PDE7B: variants seen among roughly 807,000 people sequenced by gnomAD.
PDE7B encodes the protein 3',5'-cyclic-AMP phosphodiesterase 7B.
Under a neutral mutation model 56.2 loss-of-function variants are expected in PDE7B, and 29 were observed. The observed-to-expected ratio is 0.52, with a 90% CI of 0.38 to 0.70. PDE7B has a LOEUF of 0.70. PDE7B is among the 30% of genes least tolerant of loss of function. The pLI is 0.00. For missense variants in PDE7B, 490 were observed against 565.0 expected (o/e 0.87, Z 1.35); for synonymous variants, 197 against 196.9 (o/e 1.00, Z 0.00).
chr6:136,167,386 G>A (rs1037789153), intron 8 of PDE7B, among the ~76,000 whole-genome samples: 2 of 152,056 alleles, frequency 1.3e-5, no homozygotes, highest in African/African-American at 4.8e-5. Flanking sequence ...GAATCATGGG[G>A]GCAGGTCTTT....
intron 3 of PDE7B, 49 bp downstream of exon 3, chr6:136,108,863 GA>G (rs111919004): frequency 0.029 from 23,879 of 822,712 alleles, 80 homozygotes; most frequent in African/African-American, 0.063. Context: ...TCTTCAAAAA[GA>G]AAAAAAAAAA....
chr6:136,174,415 C>A (rs1171658938), intron 9 of PDE7B, among the ~76,000 whole-genome samples: 1 of 152,102 alleles, frequency 6.6e-6, no homozygotes, highest in Non-Finnish European at 1.5e-5. Context: ...ACGTCTCTTG[C>A]ACTTTAAACA....
At position 135,994,116 on chromosome 6, in the gene PDE7B, C is replaced by CTGTGTGTGTGTG. The variant is rs3220309; in HGVS notation, c.82+46630_82+46641dup. ...AAAGTTGCCTGTTCTTGTATTGGAT[C>CTGTGTGTGTGTG]TGTGTGTGTGTGTGTGTGTGTGTGT... On this transcript the variant is annotated intron_variant, in intron 2 of 12. Transcript: ENST00000308191. 4.1e-4 allele frequency among the ~76,000 whole-genome samples: 57 copies of CTGTGTGTGTGTG among 138,726 alleles called. 1 individual carries two copies. In the East Asian group the frequency reaches 5.8e-3, roughly 14 times the overall value. The allele number at this position is 138,726 out of a possible 152,430, so 91.0% of individuals were successfully genotyped here. A position where few individuals can be genotyped will look rare whatever the true frequency, so the allele number is the denominator to read the frequency against.
At chr6:136,081,216 G>A (rs1030099468) in intron 2 of PDE7B, among the ~76,000 whole-genome samples, 3 of 152,054 alleles carry the variant, frequency 2.0e-5, no homozygotes, top group African/African-American at 7.2e-5. Flanking sequence ...TTTGGGAGAT[G>A]GACTGAAAGT....
At chr6:136,016,901 C>T (rs1415418489) in intron 2 of PDE7B, among the ~76,000 whole-genome samples, 1 of 152,252 alleles carries the variant, frequency 6.6e-6, no homozygotes, top group Non-Finnish European at 1.5e-5. Flanking sequence ...GTCAAAGACA[C>T]TGTTAACCAG....
intron 1 of PDE7B, among the ~76,000 whole-genome samples, chr6:135,872,456 G>A (rs758064736): frequency 8.0e-4 from 121 of 152,076 alleles, no homozygotes; most frequent in Non-Finnish European, 8.8e-4. Context: ...ATACAGAAAA[G>A]ATATATTTGA....
At position 135,974,474 on chromosome 6, in the gene PDE7B, T is replaced by C. The variant is rs118062480; in HGVS notation, c.82+26950T>C. 1.6e-3 allele frequency among the ~76,000 whole-genome samples: 239 copies of C among 152,280 alleles called. 1 individual carries two copies. The East Asian group carries it at 0.027, about 17-fold the overall frequency. On this transcript the variant is annotated intron_variant, in intron 2 of 12. Transcript: ENST00000308191. ...CAATTACAGTAGAAAATTTTAATGA[T>C]TTATATTCAAAGATTGAAGTCTTAC...
At chr6:136,108,705 CTTTG>C (rs1777694534) in intron 2 of PDE7B, 22 bp from the exon 3 acceptor site, 3 of 1,493,224 alleles carry the variant, frequency 2.0e-6, no homozygotes, top group African/African-American at 1.4e-5. Flanking sequence ...GTTTTCAAGC[CTTTG>C]TTTGGATTTT....
chr6:136,082,972 T>C (rs541579116), intron 2 of PDE7B, among the ~76,000 whole-genome samples: 10 of 152,276 alleles, frequency 6.6e-5, no homozygotes, highest in African/African-American at 1.7e-4. Flanking sequence ...AATATAAAGA[T>C]TGAAGAGGAA....
chr6:136,020,484 A>G (rs1776053568), intron 2 of PDE7B, among the ~76,000 whole-genome samples: 1 of 152,206 alleles, frequency 6.6e-6, no homozygotes, highest in Admixed American at 6.5e-5. Flanking sequence ...GCCTTTAAAT[A>G]TATTGAAAAA....
rs1301093980 is a variant in PDE7B at position 136,173,889 on chromosome 6, G to C, written c.803+1G>C. On this transcript the variant is annotated splice_donor_variant, in intron 9 of 12. Coordinates refer to ENST00000308191, the MANE Select transcript of PDE7B (RefSeq NM_018945.4). LOFTEE classifies it high-confidence loss of function. ...TTGCTCATTTGCCAAAGGAAATGAC[G>C]TAAGTGCTGCCGAGATGAAACATAC... 6.2e-7 allele frequency: 1 copy of C among 1,601,848 alleles called. No individual in the cohort carries two copies. Among genetic ancestry groups the C allele is most frequent in the Non-Finnish European group, 8.6e-7 (1 of 1,169,054 alleles).
chr6:135,947,580 T>C (rs1341472916), intron 2 of PDE7B, 56 bp downstream of exon 2: 4 of 1,317,822 alleles, frequency 3.0e-6, no homozygotes, highest in South Asian at 2.4e-5. Flanking sequence ...TGTGGAGTTA[T>C]CATTCTGTTG....
At chr6:135,984,031 TC>T (rs1775339255) in intron 2 of PDE7B, among the ~76,000 whole-genome samples, 1 of 152,254 alleles carries the variant, frequency 6.6e-6, no homozygotes, top group South Asian at 2.1e-4. Flanking sequence ...ATAAATGTGG[TC>T]CATCTTTCTT....
chr6:136,125,222 G>A (rs1201010892), intron 3 of PDE7B, among the ~76,000 whole-genome samples: 1 of 152,070 alleles, frequency 6.6e-6, no homozygotes, highest in African/African-American at 2.4e-5. Flanking sequence ...ATGTACTAGA[G>A]AAAATGTAAT....
In PDE7B at chr6:135,965,501, A is replaced by G. The variant is rs538581867; in HGVS notation, c.82+17977A>G. 2.2e-4 allele frequency among the ~76,000 whole-genome samples: 33 copies of G among 152,322 alleles called. 1 individual carries two copies. The highest frequency in any genetic ancestry group is 3.4e-3 in the Middle Eastern group (1 of 294). ...CCAAGACTGGGTAATTTATAAAGAA[A>G]AAGAGGTTTGATGGGCCCACAGTTC... On this transcript the variant is annotated intron_variant, in intron 2 of 12. Transcript: ENST00000308191.
chr6:135,860,952 A>G (rs1396336687), intron 1 of PDE7B, among the ~76,000 whole-genome samples: 2 of 151,928 alleles, frequency 1.3e-5, no homozygotes, highest in East Asian at 1.9e-4. Flanking sequence ...GAGTCAAGAA[A>G]TAGAACATTA....
chr6:136,063,013 A>C (rs571162424), intron 2 of PDE7B, among the ~76,000 whole-genome samples: 1 of 152,218 alleles, frequency 6.6e-6, no homozygotes, highest in Non-Finnish European at 1.5e-5. Context: ...AATCTTCAAA[A>C]CTGAGACAGA....
intron 2 of PDE7B, among the ~76,000 whole-genome samples, chr6:135,965,409 A>G (rs904268012): frequency 6.6e-6 from 1 of 152,194 alleles, no homozygotes; most frequent in African/African-American, 2.4e-5. Flanking sequence ...CCCAAGGAAC[A>G]GAAAGGAACA....
intron 1 of PDE7B, among the ~76,000 whole-genome samples, chr6:135,875,450 A>G (rs1033134769): frequency 6.6e-6 from 1 of 152,166 alleles, no homozygotes; most frequent in Non-Finnish European, 1.5e-5. Flanking sequence ...TATCCCTATC[A>G]TACCCTAGAA....
Sources: gnomAD v4.1 joint callset for allele counts (sites outside exome capture counted in the v4.1 genomes callset) on GRCh38, gnomAD v4.1.1 for gene constraint, MANE v1.5 for transcripts, NCBI Gene and HGNC (gene_info 2026-07-23, HGNC 2026-07-21) for gene names.